The following EYS variants were observed in gnomAD, a reference collection of about 807,000 sequenced individuals.
The protein encoded by EYS is protein eyes shut homolog.
A neutral mutation model predicts 282.1 loss-of-function variants in EYS; 250 were observed. That is an observed-to-expected ratio of 0.89 (90% CI 0.80 to 0.98). The LOEUF (loss-of-function observed/expected upper bound fraction) is 0.98. Ranked by LOEUF, EYS falls within the 50% of genes least tolerant of loss-of-function variation. The pLI is 0.00. For missense variants in EYS, 4,016 were observed against 3,709.0 expected, an observed-to-expected ratio of 1.08 and a Z score of -2.15; for synonymous variants, 1,355 against 1,282.9, an observed-to-expected ratio of 1.06 and a Z score of -1.20.
chr6:64,265,620 G>T (rs1258669148), intron 30 of EYS, among the ~76,000 whole-genome samples: 2 of 152,084 alleles, frequency 1.3e-5, no homozygotes, highest in Non-Finnish European at 2.9e-5. Flanking sequence ...ATTGACCAAA[G>T]AATATATCTC....
chr6:65,672,449 G>A (rs944165379), intron 1 of EYS, among the ~76,000 whole-genome samples: 10 of 151,998 alleles, frequency 6.6e-5, no homozygotes, highest in African/African-American at 1.9e-4. Flanking sequence ...TGAGAGACCC[G>A]CAAAATATGT....
chr6:63,946,502 T>C (rs1043571391), intron 35 of EYS, among the ~76,000 whole-genome samples: 36 of 152,178 alleles, frequency 2.4e-4, no homozygotes, highest in Non-Finnish European at 4.3e-4. Flanking sequence ...TATTCACTTT[T>C]CATTAAGTTC....
chr6:64,942,104 T>A (rs1476429276), intron 15 of EYS, among the ~76,000 whole-genome samples: 2 of 152,138 alleles, frequency 1.3e-5, no homozygotes, highest in East Asian at 3.9e-4. Flanking sequence ...TTTTCTCCAA[T>A]GCCTTATCAG....
At chr6:65,585,598 A>G (rs904316252) in intron 2 of EYS, among the ~76,000 whole-genome samples, 1 of 151,974 alleles carries the variant, frequency 6.6e-6, no homozygotes, top group African/African-American at 2.4e-5. Flanking sequence ...AACAGTTTTT[A>G]GTGTACTCTT....
chr6:65,113,201 C>A, intron 12 of EYS, among the ~76,000 whole-genome samples: 1 of 151,854 alleles, frequency 6.6e-6, no homozygotes, highest in South Asian at 2.1e-4. Flanking sequence ...ATACTGCTTG[C>A]AAAATAATAT....
intron 33 of EYS, among the ~76,000 whole-genome samples, chr6:64,030,867 C>T (rs1434379227): frequency 2.0e-5 from 3 of 152,244 alleles, no homozygotes; most frequent in Non-Finnish European, 4.4e-5. Context: ...GGCCTAGAGA[C>T]CTCCCCTCTG....
At chr6:63,983,396 A>T (rs915229114) in intron 35 of EYS, among the ~76,000 whole-genome samples, 1 of 151,652 alleles carries the variant, frequency 6.6e-6, no homozygotes, top group Non-Finnish European at 1.5e-5. Flanking sequence ...ACTTTATCAT[A>T]TCTGCCCAGT....
chr6:64,213,252 AG>A (rs1765834159), intron 31 of EYS, among the ~76,000 whole-genome samples: 2 of 151,494 alleles, frequency 1.3e-5, no homozygotes, highest in Admixed American at 1.3e-4. Context: ...TAAGTTTTGA[AG>A]GGGACATTAA....
At chr6:64,692,789 C>A (rs1261484938) in intron 22 of EYS, among the ~76,000 whole-genome samples, 1 of 151,998 alleles carries the variant, frequency 6.6e-6, no homozygotes, top group Non-Finnish European at 1.5e-5. Flanking sequence ...CATCGAAGAT[C>A]AGATGGTTGA....
intron 22 of EYS, among the ~76,000 whole-genome samples, chr6:64,750,684 T>G (rs898267755): frequency 7.9e-5 from 12 of 152,200 alleles, no homozygotes; most frequent in African/African-American, 2.7e-4. Flanking sequence ...TCTACGATGT[T>G]GGATTGGAGG....
chr6:65,086,265 G>A (rs957035107), intron 12 of EYS, among the ~76,000 whole-genome samples: 3 of 151,814 alleles, frequency 2.0e-5, no homozygotes, highest in Admixed American at 6.6e-5. Flanking sequence ...GTATTGAGCC[G>A]AGATTGTGCC....
chr6:64,056,156 C>G (rs919271774), intron 33 of EYS, among the ~76,000 whole-genome samples: 18 of 152,166 alleles, frequency 1.2e-4, no homozygotes, highest in African/African-American at 3.6e-4. Context: ...TCACTGCCTT[C>G]CAAGTATTTG....
chr6:64,844,096 A>G (rs1406842859), intron 19 of EYS, among the ~76,000 whole-genome samples: 1 of 152,034 alleles, frequency 6.6e-6, no homozygotes, highest in Non-Finnish European at 1.5e-5. Context: ...GGCCTTCCCA[A>G]CCATGTGGAA....
chr6:64,792,254 T>C (rs532829181), intron 22 of EYS, among the ~76,000 whole-genome samples: 9 of 152,082 alleles, frequency 5.9e-5, no homozygotes, highest in Admixed American at 3.9e-4. Flanking sequence ...GTAACACCAC[T>C]AGGCAGCAAT....
intron 13 of EYS, among the ~76,000 whole-genome samples, chr6:65,024,462 T>C (rs1359653319): frequency 2.0e-5 from 3 of 152,210 alleles, no homozygotes; most frequent in African/African-American, 7.2e-5. Context: ...GTCCAGGCCC[T>C]GAATCTATGA....
At chr6:64,447,561 T>C (rs1775155562) in intron 26 of EYS, among the ~76,000 whole-genome samples, 1 of 152,160 alleles carries the variant, frequency 6.6e-6, no homozygotes, top group South Asian at 2.1e-4. Context: ...ACAAATTCAT[T>C]AGTACCTTGA....
At chr6:63,777,947 G>A (rs775268715) in intron 40 of EYS, 59 bp downstream of exon 40, 9 of 1,398,082 alleles carry the variant, frequency 6.4e-6, no homozygotes, top group Non-Finnish European at 8.9e-6. Flanking sequence ...TGACAGAGTG[G>A]AGTACCAGTT....
intron 33 of EYS, among the ~76,000 whole-genome samples, chr6:64,055,815 C>T (rs1251898168): frequency 2.0e-5 from 3 of 152,090 alleles, no homozygotes; most frequent in Admixed American, 6.6e-5. Context: ...AATTTAGCTC[C>T]CTGGTTACTA....
intron 35 of EYS, among the ~76,000 whole-genome samples, chr6:63,879,572 C>T (rs1482463): frequency 0.37 from 55,600 of 151,958 alleles, 10,628 homozygotes; most frequent in South Asian, 0.47. Flanking sequence ...GTGGCAGAAT[C>T]CTTTTTAGGC....
Sources: gnomAD v4.1 joint callset for allele counts (sites outside exome capture counted in the v4.1 genomes callset) on GRCh38, gnomAD v4.1.1 for gene constraint, MANE v1.5 for transcripts, NCBI Gene and HGNC (gene_info 2026-07-23, HGNC 2026-07-21) for gene names.